Variants in HSPA12A observed in about 807,000 individuals in gnomAD.
The protein encoded by HSPA12A is heat shock protein family A (Hsp70) member 12A, also known as heat shock 70 kDa protein 12A.
A neutral mutation model predicts 69.2 loss-of-function variants in HSPA12A; 28 were observed. The observed-to-expected ratio is 0.40, with a 90% confidence interval of 0.30 to 0.55. HSPA12A has a LOEUF of 0.55. Among genes scored for constraint, HSPA12A ranks in the 20% least tolerant of loss-of-function variants. The probability of loss-of-function intolerance (pLI) is 0.38; values close to 1 mark genes in which losing one functional copy is unlikely to be tolerated. For missense variants in HSPA12A, 686 were observed against 900.7 expected (o/e 0.76, Z 3.05); for synonymous variants, 345 against 370.5 (o/e 0.93, Z 0.79).
chr10:116,778,334 C>A (rs1844387256), intron 2 of HSPA12A, among the ~76,000 whole-genome samples: 1 of 152,116 alleles, frequency 6.6e-6, no homozygotes, highest in Non-Finnish European at 1.5e-5. Flanking sequence ...CTGACTATTC[C>A]CCCCAAAACC....
At chr10:116,813,051 G>A (rs929143025) in intron 2 of HSPA12A, among the ~76,000 whole-genome samples, 2 of 152,152 alleles carry the variant, frequency 1.3e-5, no homozygotes, top group Middle Eastern at 6.8e-3. Context: ...GAGAAGCCAC[G>A]GTGATGAGGA....
intron 10 of HSPA12A, among the ~76,000 whole-genome samples, chr10:116,677,417 T>C (rs1254811983): frequency 1.3e-5 from 2 of 152,206 alleles, no homozygotes; most frequent in Non-Finnish European, 2.9e-5. Context: ...TTCCATGGCG[T>C]AGGCCAAAGG....
chr10:116,773,473 C>T (rs1554890711), intron 2 of HSPA12A, among the ~76,000 whole-genome samples: 1 of 152,214 alleles, frequency 6.6e-6, no homozygotes, highest in African/African-American at 2.4e-5. Context: ...CAATTGCCTT[C>T]GCAGCTCCCA....
Position 116,707,274 on chromosome 10 carries a change from T to C in HSPA12A, c.52A>G (p.Thr18Ala). The C allele has an allele frequency of 6.2e-7, 1 of 1,611,854 alleles. No individual in the cohort carries two copies. Among genetic ancestry groups the C allele is most frequent in the East Asian group, 2.2e-5 (1 of 44,854 alleles). ...CGGGCTGGAGATGAATATGCAGATG[T>C]GGGAGCCGTTTCTGAAAGGAAAAAC... is the stretch of plus-strand genomic sequence containing the variant. ...GSDGPRETAPTSAYSSPARSL... is the reference protein window; with the variant it reads ...GSDGPRETAPASAYSSPARSL... Residue 18 changes from threonine to alanine, a missense_variant, in exon 2 of 12, where the codon ACA becomes GCA. Transcript: ENST00000369209.
chr10:116,751,061 G>A (rs782124430), intron 2 of HSPA12A: 1 of 154,852 alleles, frequency 6.5e-6, no homozygotes, highest in African/African-American at 2.4e-5. Context: ...AGAGGAAGAG[G>A]AAGAGGAATA....
intron 4 of HSPA12A, 34 bp downstream of exon 4, chr10:116,700,909 G>A (rs782798172): frequency 2.4e-5 from 39 of 1,601,784 alleles, no homozygotes; most frequent in Admixed American, 5.0e-5. Flanking sequence ...ACTCCATTGC[G>A]GGGGACCTGG....
rs782200271 is a variant in HSPA12A at position 116,683,768 on chromosome 10, G to T, written c.835+23C>A. 5 of 1,499,608 alleles carry T rather than the reference G, an allele frequency of 3.3e-6. No homozygotes were observed. The Admixed American group carries it at 5.4e-5, about 16-fold the overall frequency. 92.9% of individuals were successfully genotyped at this position (1,499,608 alleles called of 1,614,324 possible). ...GCTTGGGAAGGAAGGAGAGCAGGAGGGGGAGAGAGAGAGCAGAGGTACCCT... is the reference window on the plus strand; with the variant it reads ...GCTTGGGAAGGAAGGAGAGCAGGAGTGGGAGAGAGAGAGCAGAGGTACCCT... On this transcript the variant is annotated intron_variant, in intron 7 of 11. Coordinates refer to ENST00000369209, the MANE Select transcript of HSPA12A (RefSeq NM_025015.3).
intron 2 of HSPA12A, among the ~76,000 whole-genome samples, chr10:116,778,914 G>A (rs1844401624): frequency 6.6e-6 from 1 of 152,176 alleles, no homozygotes; most frequent in Admixed American, 6.5e-5. Context: ...GCAGTGGGGA[G>A]ATGGAACGAC....
At chr10:116,700,919 G>C in intron 4 of HSPA12A, 24 bp downstream of exon 4, 1 of 1,608,542 alleles carries the variant, frequency 6.2e-7, no homozygotes, top group South Asian at 1.1e-5. Context: ...GGGGGACCTG[G>C]GCCCAGGGGA....
chr10:116,705,244 G>T lies in HSPA12A; in HGVS notation c.161C>A (p.Ser54Ter). The change falls in exon 3 of 12, where the codon TCA becomes TAA. Residue 54 changes from serine (S) to a stop codon, truncating the protein, a stop_gained. Coordinates refer to ENST00000369209, the MANE Select transcript of HSPA12A (RefSeq NM_025015.3). LOFTEE classifies it high-confidence loss of function. Reference protein sequence around the residue: ...DTDSNVSEQQSFLVVVAVDFG... With the variant: ...DTDSNVSEQQ ...GTCGACGGCCACCACCACGAGAAAT[G>T]ACTGCTGTTCTGAGACGTTGGAGTC... 1 of 1,614,170 alleles carries T rather than the reference G, an allele frequency of 6.2e-7. No homozygotes were observed. Among genetic ancestry groups the T allele is most frequent in the Non-Finnish European group, 8.5e-7 (1 of 1,180,014 alleles).
At chr10:116,784,242 C>T (rs1340953484) in intron 2 of HSPA12A, among the ~76,000 whole-genome samples, 2 of 152,224 alleles carry the variant, frequency 1.3e-5, no homozygotes, top group African/African-American at 4.8e-5. Flanking sequence ...GTGACTTGCT[C>T]TGGCCAATGG....
At chr10:116,726,027 G>GCACACACA (rs71013613) in intron 1 of HSPA12A, among the ~76,000 whole-genome samples, 8,500 of 146,110 alleles carry the variant, frequency 0.058, 421 homozygotes, top group East Asian at 0.24. Flanking sequence ...ACACACACAC[G>GCACACACA]CACACACACA....
At chr10:116,696,641 G>A (rs1849914288) in intron 5 of HSPA12A, among the ~76,000 whole-genome samples, 1 of 152,016 alleles carries the variant, frequency 6.6e-6, no homozygotes, top group Non-Finnish European at 1.5e-5. Flanking sequence ...CTATCCCGGT[G>A]GCCACGTCAC....
At chr10:116,798,093 A>G (rs1325870949) in intron 2 of HSPA12A, among the ~76,000 whole-genome samples, 1 of 149,990 alleles carries the variant, frequency 6.7e-6, no homozygotes, top group East Asian at 2.0e-4. Flanking sequence ...GGGTCTCCCA[A>G]GCCAGGCTGG....
At chr10:116,837,513 G>C (rs1326560730) in intron 1 of HSPA12A, among the ~76,000 whole-genome samples, 1 of 152,100 alleles carries the variant, frequency 6.6e-6, no homozygotes. Context: ...ACAGAGAACT[G>C]AGCTATAAAA....
At chr10:116,811,069 G>A (rs1845169948) in intron 2 of HSPA12A, among the ~76,000 whole-genome samples, 1 of 152,170 alleles carries the variant, frequency 6.6e-6, no homozygotes, top group Non-Finnish European at 1.5e-5. Flanking sequence ...CTGGGATGAG[G>A]TGGTCAGGGA....
intron 4 of HSPA12A, among the ~76,000 whole-genome samples, chr10:116,699,118 C>A (rs1276915172): frequency 6.8e-6 from 1 of 147,574 alleles, no homozygotes; most frequent in African/African-American, 2.5e-5. Flanking sequence ...CACATGGTCA[C>A]GCTCAGGATC....
At chr10:116,745,048 G>T (rs1302183701), upstream of HSPA12A, among the ~76,000 whole-genome samples, 2 of 152,068 alleles carry the variant, frequency 1.3e-5, no homozygotes, top group African/African-American at 2.4e-5. Flanking sequence ...CACCTGGGGG[G>T]TCACTCCCCC....
chr10:116,796,145 C>CAAAAAAAAA (rs10522145), intron 2 of HSPA12A, among the ~76,000 whole-genome samples: 4 of 110,678 alleles, frequency 3.6e-5, no homozygotes, highest in Non-Finnish European at 6.8e-5. Context: ...AAGACTCCAT[C>CAAAAAAAAA]AAAAAAAAAA....
Sources: gnomAD v4.1 joint callset for allele counts (sites outside exome capture counted in the v4.1 genomes callset) on GRCh38, gnomAD v4.1.1 for gene constraint, MANE v1.5 for transcripts, NCBI Gene and HGNC (gene_info 2026-07-23, HGNC 2026-07-21) for gene names.